PECAM1: variants seen among roughly 807,000 people sequenced by gnomAD.
The protein encoded by PECAM1 is platelet endothelial cell adhesion molecule.
In PECAM1, 8 loss-of-function variants were observed where a neutral mutation model predicts 13.8. The observed-to-expected ratio is 0.58, with a 90% CI of 0.34 to 1.05. The LOEUF is 1.05. PECAM1 is among the 50% of genes least tolerant of loss of function. PECAM1 has a pLI of 0.03. For missense variants in PECAM1, 304 were observed against 141.2 expected, an observed-to-expected ratio of 2.15 and a Z score of -5.84; for synonymous variants, 136 against 52.6, an observed-to-expected ratio of 2.58 and a Z score of -6.86.
intron 5 of PECAM1, among the ~76,000 whole-genome samples, chr17:64,366,096 G>A (rs1257408140): frequency 1.4e-5 from 2 of 147,216 alleles, no homozygotes; most frequent in Non-Finnish European, 3.0e-5. Context: ...CTAATATCCA[G>A]AATCTACAAT....
intron 5 of PECAM1, 144 bp downstream of exon 5, chr17:64,369,606 G>A (rs1249481981): frequency 2.3e-5 from 9 of 396,682 alleles, no homozygotes; most frequent in African/African-American, 4.1e-5. Flanking sequence ...TTCTTCCCAC[G>A]AGCACCAAAG....
chr17:64,336,463 T>C (rs1424117848), intron 14 of PECAM1, among the ~76,000 whole-genome samples: 1 of 152,114 alleles, frequency 6.6e-6, no homozygotes, highest in Non-Finnish European at 1.5e-5. Context: ...GGAATCTCTC[T>C]GATTTTATGT....
intron 7 of PECAM1, among the ~76,000 whole-genome samples, chr17:64,358,028 C>T (rs2035884519): frequency 6.6e-6 from 1 of 151,464 alleles, no homozygotes; most frequent in Admixed American, 6.6e-5. Context: ...CGCTTAGGCT[C>T]AGCCACTTTT....
intron 14 of PECAM1, among the ~76,000 whole-genome samples, chr17:64,341,237 C>G (rs1202743540): frequency 6.6e-6 from 1 of 151,446 alleles, no homozygotes; most frequent in Admixed American, 6.6e-5. Flanking sequence ...GCACTCCAGC[C>G]TGAGTGACAG....
chr17:64,329,623 G>T (rs2035049952), intron 15 of PECAM1, 77 bp downstream of exon 15: 2 of 717,562 alleles, frequency 2.8e-6, no homozygotes, highest in Admixed American at 4.0e-5. Flanking sequence ...GTGAATGCAG[G>T]ACGTGGGTGA....
intron 5 of PECAM1, among the ~76,000 whole-genome samples, chr17:64,368,870 A>T (rs1277349809): frequency 6.6e-6 from 1 of 150,832 alleles, no homozygotes; most frequent in Non-Finnish European, 1.5e-5. Flanking sequence ...AAAAAAAAAA[A>T]AAGAAAAGAA....
intron 6 of PECAM1, among the ~76,000 whole-genome samples, chr17:64,362,057 G>T (rs8074422): frequency 0.014 from 2,143 of 152,264 alleles, 44 homozygotes; most frequent in African/African-American, 0.048. Flanking sequence ...AAAGGATCGT[G>T]ACTGAATAAT....
At position 64,323,347 on chromosome 17, in the gene PECAM1, C is replaced by A; in HGVS notation, c.*469G>T. 9.3e-7 allele frequency: 1 copy of A among 1,073,672 alleles called. No individual in the cohort carries two copies. The highest frequency in any genetic ancestry group is 7.9e-5 in the East Asian group (1 of 12,658). 66.5% of individuals were successfully genotyped at this position (1,073,672 alleles called of 1,614,324 possible). On this transcript the variant is annotated 3_prime_UTR_variant, in exon 16 of 16. Transcript: ENST00000563924. ...ACTGTGTATTTCCAAAGAACAAGGA[C>A]TAGCCAAAACTACAAGCCTTTGAAG...
chr17:64,344,766 C>T (rs1438426316), intron 13 of PECAM1, among the ~76,000 whole-genome samples: 1 of 152,152 alleles, frequency 6.6e-6, no homozygotes, highest in African/African-American at 2.4e-5. Context: ...ACTTCCCACA[C>T]TGCTCCTTAG....
chr17:64,334,750 G>T (rs1327529125), intron 14 of PECAM1, among the ~76,000 whole-genome samples: 3 of 152,052 alleles, frequency 2.0e-5, no homozygotes, highest in Non-Finnish European at 4.4e-5. Context: ...CTCATGATCC[G>T]CCCGCCTTAG....
intron 5 of PECAM1, 31 bp from the exon 6 acceptor site, chr17:64,363,428 A>G: frequency 2.1e-6 from 1 of 475,038 alleles, no homozygotes; most frequent in Non-Finnish European, 3.9e-6. Flanking sequence ...ATGGAGCGAG[A>G]TGTGTCTGGC....
rs2034828784 is a variant in PECAM1, at chr17:64,322,439, G to A, written c.*1377C>T. 2.0e-6 allele frequency: 2 copies of A among 985,928 alleles called. No individual in the cohort carries two copies. Among genetic ancestry groups the A allele is most frequent in the South Asian group, 9.3e-5 (2 of 21,396 alleles). The allele number at this position is 985,928 out of a possible 1,614,324, so 61.1% of individuals were successfully genotyped here. ...GCTCGGTTCTCTCTGTGACTTCAGA[G>A]GCCCAAGGAGTCCTCAGCACTATAG... On this transcript the variant is annotated 3_prime_UTR_variant, in exon 16 of 16. Coordinates refer to ENST00000563924, the MANE Select transcript of PECAM1 (RefSeq NM_000442.5).
chr17:64,356,927 T>C (rs1205023204), intron 7 of PECAM1, among the ~76,000 whole-genome samples: 1 of 152,200 alleles, frequency 6.6e-6, no homozygotes, highest in Non-Finnish European at 1.5e-5. Context: ...GTCACAATCT[T>C]GTGACACTGC....
chr17:64,371,267 C>A (rs1387582027), intron 4 of PECAM1, among the ~76,000 whole-genome samples: 1 of 152,070 alleles, frequency 6.6e-6, no homozygotes, highest in Non-Finnish European at 1.5e-5. Context: ...GTAAATTTGA[C>A]TAAATGAAGA....
intron 4 of PECAM1, among the ~76,000 whole-genome samples, chr17:64,373,306 C>A (rs2036284190): frequency 1.3e-5 from 2 of 151,796 alleles, no homozygotes; most frequent in Admixed American, 1.3e-4. Flanking sequence ...AGAAAAATAC[C>A]TAAATATCCA....
intron 7 of PECAM1, among the ~76,000 whole-genome samples, chr17:64,357,518 A>G (rs1224568003): frequency 1.3e-5 from 2 of 152,272 alleles, no homozygotes; most frequent in South Asian, 2.1e-4. Context: ...CTAGTGTGAG[A>G]GCAGATGGTC....
At chr17:64,372,142 C>T (rs1298333042) in intron 4 of PECAM1, among the ~76,000 whole-genome samples, 1 of 152,094 alleles carries the variant, frequency 6.6e-6, no homozygotes, top group African/African-American at 2.4e-5. Flanking sequence ...GGCACAGTGG[C>T]TCATGCCTGC....
intron 15 of PECAM1, 37 bp from the exon 16 acceptor site, chr17:64,323,882 C>T (rs782677947): frequency 2.5e-6 from 2 of 791,934 alleles, no homozygotes; most frequent in Admixed American, 1.7e-5. Flanking sequence ...TATGATCACA[C>T]CTCTCAAGAT....
At chr17:64,349,301 T>C (rs1384636246) in intron 12 of PECAM1, among the ~76,000 whole-genome samples, 2 of 152,076 alleles carry the variant, frequency 1.3e-5, no homozygotes, top group Non-Finnish European at 2.9e-5. Context: ...CAAAGATACA[T>C]TTCAGGCTGG....
Sources: gnomAD v4.1 joint callset for allele counts (sites outside exome capture counted in the v4.1 genomes callset) on GRCh38, gnomAD v4.1.1 for gene constraint, MANE v1.5 for transcripts, NCBI Gene and HGNC (gene_info 2026-07-23, HGNC 2026-07-21) for gene names.